CITED2: variants seen among roughly 807,000 people sequenced by gnomAD.
CITED2 encodes the protein cbp/p300-interacting transactivator 2.
CITED2 carries 2 observed loss-of-function variants against 11.8 expected under a neutral mutation model. The observed-to-expected ratio is 0.17, with a 90% confidence interval of 0.07 to 0.54. The LOEUF is 0.54. Ranked by LOEUF, CITED2 falls within the 20% of genes least tolerant of loss-of-function variation. The pLI, the probability that CITED2 is intolerant of heterozygous loss-of-function variation, is 0.94. For synonymous variants in CITED2, 210 were observed against 153.0 expected, an observed-to-expected ratio of 1.37 and a Z score of -2.75; for missense variants, 437 against 390.2, an observed-to-expected ratio of 1.12 and a Z score of -1.01.
rs1778282113 is a variant in CITED2 at position 139,373,005 on chromosome 6, C to CT, written c.*126dup. 1 of 1,003,358 alleles carries CT rather than the reference C, an allele frequency of 1.0e-6. No homozygotes were observed. The highest frequency in any genetic ancestry group is 1.6e-6 in the Non-Finnish European group (1 of 632,196). 62.2% of individuals were successfully genotyped at this position (1,003,358 alleles called of 1,614,324 possible). The stretch of plus-strand genomic sequence containing the variant: ...CCAATTTGTACAAGTTTATAGTTTA[C>CT]TTTGTTTCCAAGTTCTCAAACCTTT... On this transcript the variant is annotated 3_prime_UTR_variant, in exon 2 of 2. Transcript: ENST00000367651.
rs937533453 is a variant in CITED2, at chr6:139,373,733, T to A, written c.212A>T (p.His71Leu). ...GNMNATSGIR[H>L]AMGPGTVNGG... ...GTTCACAGTCCCCGGCCCCATCGCA[T>A]GCCTGATGCCGCTCGTGGCATTCAT... is the stretch of plus-strand genomic sequence containing the variant. Residue 71 changes from histidine (H) to leucine (L), a missense_variant, in exon 2 of 2, where the codon CAT (histidine) becomes CTT (leucine). Physicochemically the swap from His to Leu is moderately conservative, Grantham distance 99. Transcript: ENST00000367651. The A allele has an allele frequency of 1.9e-6, 3 of 1,610,806 alleles. No homozygotes were observed. The highest frequency in any genetic ancestry group is 8.5e-7 in the Non-Finnish European group (1 of 1,179,842).
In CITED2 at chr6:139,373,535, T is replaced by G. The variant is rs1159358009; in HGVS notation, c.410A>C (p.Asp137Ala). 6.2e-7 allele frequency: 1 copy of G among 1,613,874 alleles called. No individual in the cohort carries two copies. The highest frequency in any genetic ancestry group is 8.5e-7 in the Non-Finnish European group (1 of 1,179,950). Residue 137 changes from aspartate to alanine, a missense_variant, in exon 2 of 2, where the codon GAT (aspartate) becomes GCT (alanine). Asp to Ala is a moderately radical substitution (Grantham distance 126). Transcript: ENST00000367651. ...HPYPHNHYMP[D>A]LHPAAGHQMN... is the part of the protein sequence containing the mutation. ...CTGGTGGCCTGCAGCAGGGTGCAAA[T>G]CCGGCATGTAGTGGTTGTGGGGGTA... is the stretch of plus-strand genomic sequence containing the variant.
At chr6:139,374,150 A>G in intron 1 of CITED2, 198 bp from the exon 2 acceptor site, 1 of 1,467,664 alleles carries the variant, frequency 6.8e-7, no homozygotes, top group Non-Finnish European at 9.0e-7. Flanking sequence ...ACACAGCCGG[A>G]CGCTGCACAA....
Position 139,373,870 on chromosome 6 carries a change from G to A in CITED2, c.75C>T (p.Ala25=), listed in dbSNP as rs749107948. The change falls in exon 2 of 2, where the codon GCC becomes GCT. Residue 25 remains alanine, a synonymous_variant. Transcript: ENST00000367651. The part of the protein sequence containing the change: ...DGTNGLHHHP[A]HRMGMGQFPS... ...GGAACTGCCCCATGCCCATGCGGTG[G>A]GCAGGGTGATGGTGCAGCCCATTGG... 4.4e-6 allele frequency: 7 copies of A among 1,602,816 alleles called. No individual in the cohort carries two copies. The highest frequency in any genetic ancestry group is 2.2e-5 in the East Asian group (1 of 44,884).
intron 1 of CITED2, 66 bp from the exon 2 acceptor site, chr6:139,374,018 C>T: frequency 6.5e-7 from 1 of 1,537,782 alleles, no homozygotes; most frequent in Non-Finnish European, 8.7e-7. Flanking sequence ...GCGCACCCCA[C>T]TTTTGCTCGC....
rs1778261666 is a variant in CITED2 at position 139,372,407 on chromosome 6, T to TTA, written c.*723_*724dup. 6.6e-6 allele frequency: 1 copy of TTA among 152,414 alleles called. No individual in the cohort carries two copies. The allele number at this position is 152,414 out of a possible 1,614,324, so 9.4% of individuals were successfully genotyped here. A position where few individuals can be genotyped will look rare whatever the true frequency, so the allele number is the denominator to read the frequency against. On this transcript the variant is annotated 3_prime_UTR_variant, in exon 2 of 2. Coordinates refer to ENST00000367651, the MANE Select transcript of CITED2 (RefSeq NM_006079.5). ...TCTTTTCATGTACTGAATATAACTA[T>TTA]TAGCACAGTGTCAAAAATGTTGAAG...
chr6:139,372,718 T>C lies in CITED2; in HGVS notation c.*414A>G, dbSNP rs1778272599. 3 of 233,458 alleles carry C rather than the reference T, an allele frequency of 1.3e-5. No homozygotes were observed. The highest frequency in any genetic ancestry group is 2.6e-5 in the Non-Finnish European group (3 of 114,246). The allele number at this position is 233,458 out of a possible 1,614,324, so 14.5% of individuals were successfully genotyped here. On this transcript the variant is annotated 3_prime_UTR_variant, in exon 2 of 2. Transcript: ENST00000367651. ...CTTCGAAGTTCATGCAACCAACTAA[T>C]GCAATTTTTCCTTTCACTCGTAAAT...
In CITED2 at chr6:139,373,900, G is replaced by T; in HGVS notation, c.45C>A (p.Asp15Glu). The change falls in exon 2 of 2, where the codon GAC becomes GAA. Residue 15 changes from aspartate to glutamate, a missense_variant. Asp to Glu is a conservative substitution (Grantham distance 45, BLOSUM62 2). Coordinates refer to ENST00000367651, the MANE Select transcript of CITED2 (RefSeq NM_006079.5). The part of the protein sequence containing the change: ...MMAMNHGRFP[D>E]GTNGLHHHPA... ...GGTGATGGTGCAGCCCATTGGTGCCGTCGGGGAAGCGCCCGTGGTTCATGG... is the reference window on the plus strand; with the variant it reads ...GGTGATGGTGCAGCCCATTGGTGCCTTCGGGGAAGCGCCCGTGGTTCATGG... The T allele has an allele frequency of 1.9e-6, 3 of 1,600,414 alleles. No individual in the cohort carries two copies. In the South Asian group the frequency reaches 3.3e-5, roughly 18 times the overall value.
Position 139,372,997 on chromosome 6 carries a change from A to T in CITED2, c.*135T>A. 1 of 947,602 alleles carries T rather than the reference A, an allele frequency of 1.1e-6. No homozygotes were observed. Among genetic ancestry groups the T allele is most frequent in the Non-Finnish European group, 1.7e-6 (1 of 586,248 alleles). 58.7% of individuals were successfully genotyped at this position (947,602 alleles called of 1,614,324 possible). A position where few individuals can be genotyped will look rare whatever the true frequency, so the allele number is the denominator to read the frequency against. On this transcript the variant is annotated 3_prime_UTR_variant, in exon 2 of 2. Coordinates refer to ENST00000367651, the MANE Select transcript of CITED2 (RefSeq NM_006079.5). ...TTTTAAAACCAATTTGTACAAGTTTATAGTTTACTTTGTTTCCAAGTTCTC... is the reference window on the plus strand; with the variant it reads ...TTTTAAAACCAATTTGTACAAGTTTTTAGTTTACTTTGTTTCCAAGTTCTC...
Position 139,373,479 on chromosome 6 carries a change from A to T in CITED2, c.466T>A (p.Cys156Ser). Residue 156 changes from cysteine to serine, a missense_variant, in exon 2 of 2, where the codon TGC becomes AGC. Around this residue, in one of 3 missense-constraint regions of CITED2, gnomAD observed 396 missense variants for 325.2 expected, o/e 1.22. Coordinates refer to ENST00000367651, the MANE Select transcript of CITED2 (RefSeq NM_006079.5). ...CTGCCGCCGCTGTGCTTGGGGTTGC[A>T]ATCTCGGAAGTGCTGGTTTGTCCCG... ...MNGTNQHFRD[C>S]NPKHSGGSST... is the part of the protein sequence containing the mutation. 1.9e-6 allele frequency: 3 copies of T among 1,604,460 alleles called. No homozygotes were observed. The highest frequency in any genetic ancestry group is 1.7e-4 in the Middle Eastern group (1 of 6,034).
intron 1 of CITED2, 194 bp from the exon 2 acceptor site, chr6:139,374,146 C>A: frequency 2.0e-6 from 3 of 1,469,254 alleles, no homozygotes; most frequent in Non-Finnish European, 2.7e-6. Context: ...CATAACACAG[C>A]CGGACGCTGC....
Position 139,373,486 on chromosome 6 carries a change from G to C in CITED2, c.459C>G (p.Phe153Leu), listed in dbSNP as rs770113555. The change falls in exon 2 of 2, where the codon TTC becomes TTG. Residue 153 changes from phenylalanine (F) to leucine (L), a missense_variant. Coordinates refer to ENST00000367651, the MANE Select transcript of CITED2 (RefSeq NM_006079.5). Reference sequence around the variant, plus strand: ...CGCTGTGCTTGGGGTTGCAATCTCGGAAGTGCTGGTTTGTCCCGTTCATCT... The same window carrying C: ...CGCTGTGCTTGGGGTTGCAATCTCGCAAGTGCTGGTTTGTCCCGTTCATCT... ...GHQMNGTNQH[F>L]RDCNPKHSGG... is the part of the protein sequence containing the mutation. 1.2e-6 allele frequency: 2 copies of C among 1,607,284 alleles called. No homozygotes were observed. The highest frequency in any genetic ancestry group is 2.7e-5 in the African/African-American group (2 of 74,736).
In CITED2 at chr6:139,373,611, C is replaced by T; in HGVS notation, c.334G>A (p.Ala112Thr). 1 of 1,613,972 alleles carries T rather than the reference C, an allele frequency of 6.2e-7. No homozygotes were observed. The highest frequency in any genetic ancestry group is 8.5e-7 in the Non-Finnish European group (1 of 1,179,934). ...PVASQGGSLPASMQLQKLNNQ... is the reference protein window; with the variant it reads ...PVASQGGSLPTSMQLQKLNNQ... ...TTGAGCTTCTGCAGCTGCATGCTGG[C>T]CGGCAGGGAGCCTCCCTGGCTGGCC... Residue 112 changes from alanine (A) to threonine (T), a missense_variant, in exon 2 of 2, where the codon GCC becomes ACC. Transcript: ENST00000367651.
Position 139,373,124 on chromosome 6 carries a change from C to G in CITED2, c.*8G>C. On this transcript the variant is annotated 3_prime_UTR_variant, in exon 2 of 2. Coordinates refer to ENST00000367651, the MANE Select transcript of CITED2 (RefSeq NM_006079.5). ...GGTTTGATTTCTTTCGCCGGGGTTT[C>G]GATCGAGTCAACAGCTCACTCTGCT... The G allele has an allele frequency of 6.2e-7, 1 of 1,613,364 alleles. No homozygotes were observed. The highest frequency in any genetic ancestry group is 8.5e-7 in the Non-Finnish European group (1 of 1,179,346).
In CITED2 at chr6:139,372,590, T is replaced by TC. The variant is rs1472014057; in HGVS notation, c.*541dup. 1 of 174,838 alleles carries TC rather than the reference T, an allele frequency of 5.7e-6. No homozygotes were observed. Among genetic ancestry groups the TC allele is most frequent in the African/African-American group, 2.4e-5 (1 of 41,912 alleles). The allele number at this position is 174,838 out of a possible 1,614,324, so 10.8% of individuals were successfully genotyped here. A position where few individuals can be genotyped will look rare whatever the true frequency, so the allele number is the denominator to read the frequency against. Reference sequence around the variant, plus strand: ...CTGATCCAGAACAGTTTGGCCCACATCTGTTTAATCTTCCAGTTTAGCATA... The same window carrying TC: ...CTGATCCAGAACAGTTTGGCCCACATCCTGTTTAATCTTCCAGTTTAGCATA... On this transcript the variant is annotated 3_prime_UTR_variant, in exon 2 of 2. Coordinates refer to ENST00000367651, the MANE Select transcript of CITED2 (RefSeq NM_006079.5).
intron 1 of CITED2, 28 bp downstream of exon 1, chr6:139,374,385 C>T (rs1778334470): frequency 4.2e-6 from 2 of 481,148 alleles, no homozygotes; most frequent in Non-Finnish European, 7.2e-6. Flanking sequence ...TGGCAAGAGC[C>T]CCAGCCAGCT....
rs866544176 is a variant in CITED2, at chr6:139,374,621, C to G, written c.-217G>C. 33 of 160,000 alleles carry G rather than the reference C, an allele frequency of 2.1e-4. 1 individual carries two copies. In the Middle Eastern group the frequency reaches 0.013, roughly 61 times the overall value. 9.9% of individuals were successfully genotyped at this position (160,000 alleles called of 1,614,324 possible). A position where few individuals can be genotyped will look rare whatever the true frequency, so the allele number is the denominator to read the frequency against. On this transcript the variant is annotated 5_prime_UTR_variant, in exon 1 of 2. Coordinates refer to ENST00000367651, the MANE Select transcript of CITED2 (RefSeq NM_006079.5). The stretch of plus-strand genomic sequence containing the variant: ...CGTTGCCCTCACAGCTCGGCAGGAC[C>G]GCCCGGCAGCTGCCAACAATGAGCT...
At position 139,373,961 on chromosome 6, in the gene CITED2, G is replaced by A. The variant is rs899962386; in HGVS notation, c.-8-9C>T. Reference sequence around the variant, plus strand: ...GTCTGCCATTTCCAGTCCTGGAAGTGAAAAGGGCAGATAATGAGACCCGCG... The same window carrying A: ...GTCTGCCATTTCCAGTCCTGGAAGTAAAAAGGGCAGATAATGAGACCCGCG... On this transcript the variant is annotated splice_polypyrimidine_tract_variant and intron_variant, in intron 1 of 1. Transcript: ENST00000367651. 1.9e-6 allele frequency: 3 copies of A among 1,595,128 alleles called. No individual in the cohort carries two copies. The highest frequency in any genetic ancestry group is 2.2e-5 in the East Asian group (1 of 44,772).
chr6:139,373,078 A>G lies in CITED2; in HGVS notation c.*54T>C, dbSNP rs1778284200. 8.6e-6 allele frequency: 13 copies of G among 1,518,186 alleles called. No individual in the cohort carries two copies. In the South Asian group the frequency reaches 1.2e-4, roughly 14 times the overall value. The allele number at this position is 1,518,186 out of a possible 1,614,324, so 94.0% of individuals were successfully genotyped here. A position where few individuals can be genotyped will look rare whatever the true frequency, so the allele number is the denominator to read the frequency against. ...TGTGTCTAAGGGAATGTTTCTTTTA[A>G]TTCACGCCGAAGAAGTTGGGGGTTT... On this transcript the variant is annotated 3_prime_UTR_variant, in exon 2 of 2. Transcript: ENST00000367651.
Sources: gnomAD v4.1 joint callset for allele counts on GRCh38, gnomAD v4.1.1 for gene constraint, gnomAD v4.1.1 regional missense constraint, MANE v1.5 for transcripts, NCBI Gene and HGNC (gene_info 2026-07-23, HGNC 2026-07-21) for gene names.